ZAR1L: variants seen among roughly 807,000 people sequenced by gnomAD.
The protein encoded by ZAR1L is zygote arrest 1 like, also known as protein ZAR1-like.
ZAR1L carries 16 observed loss-of-function variants against 30.0 expected under a neutral mutation model. That is an observed-to-expected ratio of 0.53 (90% CI 0.36 to 0.81). ZAR1L has a LOEUF of 0.81. Ranked by LOEUF, ZAR1L falls within the 30% of genes least tolerant of loss-of-function variation. The pLI is 0.00. For synonymous variants in ZAR1L, 197 were observed against 166.8 expected (o/e 1.18, Z -1.40); for missense variants, 392 against 417.2 (o/e 0.94, Z 0.53).
chr13:32,303,822 C>T lies in ZAR1L; in HGVS notation c.*57G>A. 1 of 1,508,052 alleles carries T rather than the reference C, an allele frequency of 6.6e-7. No homozygotes were observed. The highest frequency in any genetic ancestry group is 8.9e-7 in the Non-Finnish European group (1 of 1,124,388). 93.4% of individuals were successfully genotyped at this position (1,508,052 alleles called of 1,614,324 possible). On this transcript the variant is annotated 3_prime_UTR_variant, in exon 6 of 6. Coordinates refer to ENST00000533490, the MANE Select transcript of ZAR1L (RefSeq NM_001136571.2). ...AGAGCCAAGTTGCAAAAAAGGAAGA[C>T]AGCACAGTAAGTTACAAGAAGAGCT...
chr13:32,313,573 G>A (rs1418256735), intron 2 of ZAR1L, among the ~76,000 whole-genome samples: 3 of 152,212 alleles, frequency 2.0e-5, no homozygotes, highest in African/African-American at 4.8e-5. Flanking sequence ...TGCCATGTTG[G>A]CCAGGCTGGT....
chr13:32,305,812 T>A (rs1203912224), intron 5 of ZAR1L, among the ~76,000 whole-genome samples: 1 of 152,204 alleles, frequency 6.6e-6, no homozygotes, highest in Non-Finnish European at 1.5e-5. Flanking sequence ...CAGAAATAGG[T>A]GTGAGCTTGA....
At chr13:32,308,149 G>A (rs2072189530) in intron 5 of ZAR1L, among the ~76,000 whole-genome samples, 1 of 152,042 alleles carries the variant, frequency 6.6e-6, no homozygotes, top group South Asian at 2.1e-4. Flanking sequence ...TTTAACTAAG[G>A]ACTTAGGTTA....
intron 4 of ZAR1L, among the ~76,000 whole-genome samples, 175 bp downstream of exon 4, chr13:32,310,464 C>T (rs990470345): frequency 2.0e-5 from 3 of 152,210 alleles, no homozygotes; most frequent in African/African-American, 7.2e-5. Flanking sequence ...CCCAGGTGGA[C>T]AGTCCGATTC....
At chr13:32,306,763 T>C (rs2072178367) in intron 5 of ZAR1L, among the ~76,000 whole-genome samples, 2 of 151,958 alleles carry the variant, frequency 1.3e-5, no homozygotes, top group South Asian at 4.1e-4. Flanking sequence ...AAACCCTGTC[T>C]ATACTAAAAA....
chr13:32,306,795 G>A (rs1384096715), intron 5 of ZAR1L, among the ~76,000 whole-genome samples: 1 of 152,012 alleles, frequency 6.6e-6, no homozygotes, highest in Non-Finnish European at 1.5e-5. Flanking sequence ...GCCGGGCGTG[G>A]TGGCATGTGC....
In ZAR1L at chr13:32,303,789, G is replaced by T; in HGVS notation, c.*90C>A. 2 of 1,335,188 alleles carry T rather than the reference G, an allele frequency of 1.5e-6. No individual in the cohort carries two copies. Among genetic ancestry groups the T allele is most frequent in the Non-Finnish European group, 2.0e-6 (2 of 988,794 alleles). 82.7% of individuals were successfully genotyped at this position (1,335,188 alleles called of 1,614,324 possible). A position where few individuals can be genotyped will look rare whatever the true frequency, so the allele number is the denominator to read the frequency against. Reference sequence around the variant, plus strand: ...TACAAAAGCCTAGCCATTTTCCGATGCCAGGTCAGAGCCAAGTTGCAAAAA... The same window carrying T: ...TACAAAAGCCTAGCCATTTTCCGATTCCAGGTCAGAGCCAAGTTGCAAAAA... On this transcript the variant is annotated 3_prime_UTR_variant, in exon 6 of 6. Coordinates refer to ENST00000533490, the MANE Select transcript of ZAR1L (RefSeq NM_001136571.2).
At chr13:32,309,273 T>C (rs1389737434) in intron 4 of ZAR1L, among the ~76,000 whole-genome samples, 1 of 152,146 alleles carries the variant, frequency 6.6e-6, no homozygotes, top group Non-Finnish European at 1.5e-5. Flanking sequence ...ATTACAAGCC[T>C]GAGCCACCGC....
intron 1 of ZAR1L, among the ~76,000 whole-genome samples, chr13:32,315,064 A>T (rs997243935): frequency 2.0e-5 from 3 of 152,168 alleles, no homozygotes. Context: ...GAAGTCATCC[A>T]CAACCACACA....
At position 32,311,300 on chromosome 13, in the gene ZAR1L, G is replaced by C; in HGVS notation, c.626C>G (p.Ser209Cys). ...KSKQVPGDAA[S>C]EPLRRPNFQF... ...GAAGTTGGGCCTCCGGAGCGGCTCGGAGGCGGCGTCTCCAGGCACCTGCTT... is the reference window on the plus strand; with the variant it reads ...GAAGTTGGGCCTCCGGAGCGGCTCGCAGGCGGCGTCTCCAGGCACCTGCTT... Residue 209 changes from serine to cysteine, a missense_variant, in exon 3 of 6, where the codon TCC (serine) becomes TGC (cysteine). Physicochemically the swap from Ser to Cys is moderately radical, Grantham distance 112. Coordinates refer to ENST00000533490, the MANE Select transcript of ZAR1L (RefSeq NM_001136571.2). 1 of 1,549,520 alleles carries C rather than the reference G, an allele frequency of 6.5e-7. No individual in the cohort carries two copies. Among genetic ancestry groups the C allele is most frequent in the African/African-American group, 1.4e-5 (1 of 73,152 alleles).
chr13:32,310,377 C>G (rs185539576), intron 4 of ZAR1L, among the ~76,000 whole-genome samples: 1 of 152,344 alleles, frequency 6.6e-6, no homozygotes, highest in African/African-American at 2.4e-5. Flanking sequence ...GAAAAACTTC[C>G]AATGTAGACA....
chr13:32,312,096 G>T lies in ZAR1L; in HGVS notation c.-168-3C>A. ...AATGGGAGCTGCTGCTTATTACCCT[G>T]ATTGAGGGAGAGAAGCTCTATCTAC... On this transcript the variant is annotated splice_region_variant and splice_polypyrimidine_tract_variant and intron_variant, in intron 2 of 5. Transcript: ENST00000533490. 1.3e-6 allele frequency: 1 copy of T among 767,810 alleles called. No individual in the cohort carries two copies. The highest frequency in any genetic ancestry group is 2.0e-6 in the Non-Finnish European group (1 of 500,908). The allele number at this position is 767,810 out of a possible 1,614,324, so 47.6% of individuals were successfully genotyped here.
At chr13:32,315,076 C>G (rs563256580) in intron 1 of ZAR1L, among the ~76,000 whole-genome samples, 1 of 152,132 alleles carries the variant, frequency 6.6e-6, no homozygotes, top group East Asian at 1.9e-4. Context: ...AACCACACAC[C>G]GACCACTCTA....
At chr13:32,308,847 C>T (rs1363260514) in intron 4 of ZAR1L, 87 bp from the exon 5 acceptor site, 12 of 900,428 alleles carry the variant, frequency 1.3e-5, no homozygotes, top group Non-Finnish European at 8.6e-6. Context: ...TAATCCATTG[C>T]ATCTTGCTTT....
At chr13:32,307,651 CAAGAG>C (rs1036999762) in intron 5 of ZAR1L, among the ~76,000 whole-genome samples, 4 of 147,772 alleles carry the variant, frequency 2.7e-5, no homozygotes, top group African/African-American at 1.0e-4. Context: ...CAAGCGAACA[CAAGAG>C]AAAAGAAAAA....
At position 32,310,664 on chromosome 13, in the gene ZAR1L, A is replaced by T. The variant is rs751034698; in HGVS notation, c.722T>A (p.Val241Glu). 15 of 1,551,710 alleles carry T rather than the reference A, an allele frequency of 9.7e-6. No individual in the cohort carries two copies. The highest frequency in any genetic ancestry group is 1.3e-5 in the Non-Finnish European group (15 of 1,146,852). Residue 241 changes from valine (V) to glutamate (E), a missense_variant, in exon 4 of 6, where the codon GTG (valine) becomes GAG (glutamate). Transcript: ENST00000533490. Reference sequence around the variant, plus strand: ...CTTGTTCGTTCCAGAAATGCACCACACGTAAGCACTCTCCCACCTGGTCTT... The same window carrying T: ...CTTGTTCGTTCCAGAAATGCACCACTCGTAAGCACTCTCCCACCTGGTCTT... ...DCKTRWESAYVWCISGTNKVY... is the reference protein window; with the variant it reads ...DCKTRWESAYEWCISGTNKVY...
chr13:32,312,109 A>C lies in ZAR1L; in HGVS notation c.-168-16T>G. ...GCTTATTACCCTGATTGAGGGAGAG[A>C]AGCTCTATCTACAGATGTCTAATTG... On this transcript the variant is annotated splice_polypyrimidine_tract_variant and intron_variant, in intron 2 of 5. Transcript: ENST00000533490. The C allele has an allele frequency of 5.6e-6, 4 of 711,474 alleles. No individual in the cohort carries two copies. The highest frequency in any genetic ancestry group is 3.3e-5 in the Admixed American group (1 of 30,732). The allele number at this position is 711,474 out of a possible 1,614,324, so 44.1% of individuals were successfully genotyped here. A position where few individuals can be genotyped will look rare whatever the true frequency, so the allele number is the denominator to read the frequency against.
intron 2 of ZAR1L, among the ~76,000 whole-genome samples, chr13:32,314,066 C>G (rs2072232502): frequency 6.6e-6 from 1 of 152,180 alleles, no homozygotes; most frequent in South Asian, 2.1e-4. Flanking sequence ...ATTCAGTATC[C>G]TCATCTGACA....
Position 32,311,292 on chromosome 13 carries a change from G to A in ZAR1L, c.634C>T (p.Leu212Phe), listed in dbSNP as rs1476241983. ...QVPGDAASEP[L>F]RRPNFQFLEP... The stretch of plus-strand genomic sequence containing the variant: ...TCTACCTGGAAGTTGGGCCTCCGGA[G>A]CGGCTCGGAGGCGGCGTCTCCAGGC... The change falls in exon 3 of 6, where the codon CTC becomes TTC. Residue 212 changes from leucine (L) to phenylalanine (F), a missense_variant. By Grantham distance (22) the Leu-to-Phe change is conservative. Transcript: ENST00000533490. 2 of 1,548,778 alleles carry A rather than the reference G, an allele frequency of 1.3e-6. No individual in the cohort carries two copies. The highest frequency in any genetic ancestry group is 2.0e-5 in the Admixed American group (1 of 50,790).
Sources: gnomAD v4.1 joint callset for allele counts (sites outside exome capture counted in the v4.1 genomes callset) on GRCh38, gnomAD v4.1.1 for gene constraint, MANE v1.5 for transcripts, NCBI Gene and HGNC (gene_info 2026-07-23, HGNC 2026-07-21) for gene names.